The following PDS5B variants were observed in gnomAD, a reference collection of about 807,000 sequenced individuals.
The protein encoded by PDS5B is PDS5 cohesin associated factor B.
A neutral mutation model predicts 184.1 loss-of-function variants in PDS5B; 51 were observed. The ratio of observed to expected loss-of-function variants is 0.28; its 90% CI spans 0.22 to 0.35. The LOEUF is 0.35. Ranked by LOEUF, PDS5B falls within the 10% of genes least tolerant of loss-of-function variation. PDS5B has a pLI of 1.00. For synonymous variants in PDS5B, 566 were observed against 569.2 expected, an observed-to-expected ratio of 0.99 and a Z score of 0.08; for missense variants, 1,180 against 1,723.3, an observed-to-expected ratio of 0.68 and a Z score of 5.58.
intron 1 of PDS5B, among the ~76,000 whole-genome samples, chr13:32,641,013 C>T (rs1271650805): frequency 3.4e-5 from 5 of 148,736 alleles, no homozygotes; most frequent in Non-Finnish European, 5.9e-5. Context: ...GCCGAGATCA[C>T]GCCACTGTAC....
intron 19 of PDS5B, among the ~76,000 whole-genome samples, chr13:32,725,389 T>A (rs1432358524): frequency 1.3e-5 from 2 of 152,126 alleles, no homozygotes; most frequent in Non-Finnish European, 2.9e-5. Context: ...CTGAGTCCTT[T>A]GAAACAATCC....
rs139498294 is a variant in PDS5B at position 32,750,093 on chromosome 13, T to A, written c.2737-3239T>A. 1.6e-3 allele frequency among the ~76,000 whole-genome samples: 249 copies of A among 152,354 alleles called. 2 individuals carry two copies. The highest frequency in any genetic ancestry group is 0.014 in the East Asian group (74 of 5,186). ...ATGATTCTCTTGAAGTACCTATGTG[T>A]GTGTCATCATTCCTGTTAATTTTCT... On this transcript the variant is annotated intron_variant, in intron 24 of 34. Coordinates refer to ENST00000315596, the MANE Select transcript of PDS5B (RefSeq NM_015032.4).
intron 12 of PDS5B, among the ~76,000 whole-genome samples, chr13:32,688,083 A>G (rs1951446980): frequency 6.6e-6 from 1 of 152,148 alleles, no homozygotes; most frequent in African/African-American, 2.4e-5. Flanking sequence ...TGCCTATGAA[A>G]ATGCAAAAGA....
chr13:32,727,869 A>T (rs514677), intron 19 of PDS5B, among the ~76,000 whole-genome samples: 103,753 of 148,528 alleles, frequency 0.7, 36,398 homozygotes, highest in African/African-American at 0.82. Context: ...TTTTTTTTTT[A>T]ATCTATTCTC....
intron 3 of PDS5B, among the ~76,000 whole-genome samples, chr13:32,654,718 G>C (rs1403072619): frequency 6.6e-6 from 1 of 152,088 alleles, no homozygotes; most frequent in Non-Finnish European, 1.5e-5. Context: ...GCTGGTGTCT[G>C]TTCTCTTCTT....
intron 6 of PDS5B, among the ~76,000 whole-genome samples, chr13:32,661,694 A>T (rs950508004): frequency 6.6e-6 from 1 of 152,130 alleles, no homozygotes; most frequent in Admixed American, 6.5e-5. Flanking sequence ...GAGTAAAAAA[A>T]AAATAAAAAG....
chr13:32,734,468 T>A (rs1426780605), intron 20 of PDS5B, among the ~76,000 whole-genome samples: 1 of 152,206 alleles, frequency 6.6e-6, no homozygotes, highest in Non-Finnish European at 1.5e-5. Flanking sequence ...GTTATGGTAT[T>A]TAATATTTGG....
Position 32,753,546 on chromosome 13 carries a change from T to G in PDS5B, c.2941+10T>G, listed in dbSNP as rs964344708. ...CATGCAGCTGTTAGTGGTAAGCATATAAGAAAATGGAAAGGATACTTTTTC... is the reference window on the plus strand; with the variant it reads ...CATGCAGCTGTTAGTGGTAAGCATAGAAGAAAATGGAAAGGATACTTTTTC... On this transcript the variant is annotated intron_variant, in intron 25 of 34. Transcript: ENST00000315596. 1.3e-6 allele frequency: 2 copies of G among 1,584,310 alleles called. No homozygotes were observed. Among genetic ancestry groups the G allele is most frequent in the Non-Finnish European group, 1.7e-6 (2 of 1,158,872 alleles).
At chr13:32,642,139 C>T (rs1950112137) in intron 1 of PDS5B, among the ~76,000 whole-genome samples, 1 of 152,162 alleles carries the variant, frequency 6.6e-6, no homozygotes, top group Admixed American at 6.5e-5. Context: ...TTCCTCATTA[C>T]TTCTTTCTTG....
intron 16 of PDS5B, among the ~76,000 whole-genome samples, chr13:32,700,200 T>G (rs894917464): frequency 5.9e-5 from 9 of 152,128 alleles, no homozygotes; most frequent in African/African-American, 2.2e-4. Flanking sequence ...TTTTTCCTAC[T>G]TTTTGATTAC....
intron 17 of PDS5B, among the ~76,000 whole-genome samples, chr13:32,704,883 CCT>C (rs1316674072): frequency 1.3e-5 from 2 of 151,954 alleles, no homozygotes; most frequent in African/African-American, 2.4e-5. Flanking sequence ...ATAGATTTCC[CCT>C]CTCTGTTTTT....
At chr13:32,637,463 C>G (rs2058582705) in intron 1 of PDS5B, among the ~76,000 whole-genome samples, 2 of 152,016 alleles carry the variant, frequency 1.3e-5, no homozygotes, top group South Asian at 4.1e-4. Flanking sequence ...TTTTGAGTAT[C>G]TTGAGTTCGC....
chr13:32,706,982 T>A lies in PDS5B; in HGVS notation c.1905T>A (p.Asp635Glu). The change falls in exon 18 of 35, where the codon GAT (aspartate) becomes GAA (glutamate). Residue 635 changes from aspartate to glutamate, a missense_variant. By Grantham distance (45) the Asp-to-Glu change is conservative. This residue lies in a region of PDS5B where 475 missense variants were observed against 691.5 expected (regional missense o/e 0.69). Coordinates refer to ENST00000315596, the MANE Select transcript of PDS5B (RefSeq NM_015032.4). ...VNKSIDGTADDEDEGVPTDQA... is the reference protein window; with the variant it reads ...VNKSIDGTADEEDEGVPTDQA... ...AATCAATAGATGGAACAGCAGATGA[T>A]GAAGATGAGGGTGTTCCAACTGATC... 6.2e-7 allele frequency: 1 copy of A among 1,612,470 alleles called. No individual in the cohort carries two copies. The highest frequency in any genetic ancestry group is 8.5e-7 in the Non-Finnish European group (1 of 1,179,242).
At chr13:32,587,547 C>T (rs1167611274) in intron 1 of PDS5B, among the ~76,000 whole-genome samples, 18 of 152,238 alleles carry the variant, frequency 1.2e-4, no homozygotes, top group Admixed American at 1.0e-3. Context: ...AAAGCTAACT[C>T]TTAAGTAGCT....
chr13:32,706,941 A>G lies in PDS5B; in HGVS notation c.1864A>G (p.Ile622Val), dbSNP rs1316280392. 1 of 1,600,212 alleles carries G rather than the reference A, an allele frequency of 6.2e-7. No homozygotes were observed. Among genetic ancestry groups the G allele is most frequent in the East Asian group, 2.2e-5 (1 of 44,622 alleles). Residue 622 changes from isoleucine (I) to valine (V), a missense_variant, in exon 18 of 35, where the codon ATT becomes GTT. This residue lies in a region of PDS5B where 475 missense variants were observed against 691.5 expected (regional missense o/e 0.69). Coordinates refer to ENST00000315596, the MANE Select transcript of PDS5B (RefSeq NM_015032.4). ...TTTTTGGTCATATTTTAGTGCTCTT[A>G]TTAAACAAGTGAACAAATCAATAGA... ...HIDTESISAL[I>V]KQVNKSIDGT...
chr13:32,667,800 T>C lies in PDS5B; in HGVS notation c.661T>C (p.Leu221=). 1 of 1,598,466 alleles carries C rather than the reference T, an allele frequency of 6.3e-7. No homozygotes were observed. Among genetic ancestry groups the C allele is most frequent in the Non-Finnish European group, 8.5e-7 (1 of 1,173,574 alleles). The part of the protein sequence containing the change: ...NKQAYDLAKA[L]LKRTAQAIEP... Reference sequence around the variant, plus strand: ...GCAAGCATATGATTTGGCAAAGGCTTTACTGAAGAGGACAGCTCAAGCTAT... The same window carrying C: ...GCAAGCATATGATTTGGCAAAGGCTCTACTGAAGAGGACAGCTCAAGCTAT... Residue 221 remains leucine (L), a synonymous_variant, in exon 7 of 35, where the codon TTA becomes CTA. Transcript: ENST00000315596.
chr13:32,684,342 T>G lies in PDS5B; in HGVS notation c.1203+319T>G, dbSNP rs189104097. Among the ~76,000 whole-genome samples, 39 of 152,352 alleles carry G rather than the reference T, an allele frequency of 2.6e-4. No homozygotes were observed. The East Asian group carries it at 7.5e-3, about 29-fold the overall frequency. On this transcript the variant is annotated intron_variant, in intron 11 of 34. Transcript: ENST00000315596. ...GCCTGAGATACAACTTCTCTTATGTTGTTGACTCTTCTTTTTCTTTCTTCT... is the reference window on the plus strand; with the variant it reads ...GCCTGAGATACAACTTCTCTTATGTGGTTGACTCTTCTTTTTCTTTCTTCT...
At chr13:32,730,140 G>A (rs1043359144) in intron 19 of PDS5B, among the ~76,000 whole-genome samples, 4 of 152,092 alleles carry the variant, frequency 2.6e-5, no homozygotes, top group African/African-American at 9.7e-5. Flanking sequence ...TAAGGAAGGG[G>A]TCAAGTTTCA....
chr13:32,623,274 A>G (rs922250536), intron 1 of PDS5B, among the ~76,000 whole-genome samples: 3 of 152,178 alleles, frequency 2.0e-5, no homozygotes, highest in African/African-American at 7.2e-5. Context: ...GAAGTTACAC[A>G]TCTTGTGACC....
Sources: gnomAD v4.1 joint callset for allele counts (sites outside exome capture counted in the v4.1 genomes callset) on GRCh38, gnomAD v4.1.1 for gene constraint, gnomAD v4.1.1 regional missense constraint, MANE v1.5 for transcripts, NCBI Gene and HGNC (gene_info 2026-07-23, HGNC 2026-07-21) for gene names.